Variants in HDAC4 observed in about 807,000 individuals in gnomAD.
HDAC4 encodes histone deacetylase 4.
HDAC4 carries 16 observed loss-of-function variants against 135.1 expected under a neutral mutation model. The ratio of observed to expected loss-of-function variants is 0.12; its 90% CI spans 0.08 to 0.18. HDAC4 has a LOEUF of 0.18. Ranked by LOEUF, HDAC4 falls within the 10% of genes least tolerant of loss-of-function variation. HDAC4 has a pLI of 1.00. For missense variants in HDAC4, 1,143 were observed against 1,511.8 expected, an observed-to-expected ratio of 0.76 and a Z score of 4.05; for synonymous variants, 685 against 653.4, an observed-to-expected ratio of 1.05 and a Z score of -0.74.
intron 2 of HDAC4, among the ~76,000 whole-genome samples, chr2:239,260,721 G>A (rs2049310619): frequency 1.3e-5 from 2 of 152,212 alleles, no homozygotes; most frequent in African/African-American, 2.4e-5. Flanking sequence ...TCCCCCTGCT[G>A]CAGTGTTCTC....
At chr2:239,343,554 A>T (rs1692431754) in intron 2 of HDAC4, among the ~76,000 whole-genome samples, 1 of 152,246 alleles carries the variant, frequency 6.6e-6, no homozygotes, top group South Asian at 2.1e-4. Flanking sequence ...CCTCCTCACA[A>T]GGCTGTTTCA....
At chr2:239,246,659 T>C (rs1195479222) in intron 2 of HDAC4, among the ~76,000 whole-genome samples, 1 of 152,242 alleles carries the variant, frequency 6.6e-6, no homozygotes, top group African/African-American at 2.4e-5. Context: ...GGGCCTCTCC[T>C]AGACGGTTCT....
At chr2:239,145,396 CAGCTCTGCCTGT>C (rs1559508223) in intron 7 of HDAC4, among the ~76,000 whole-genome samples, 32 of 106,566 alleles carry the variant, frequency 3.0e-4, no homozygotes, top group African/African-American at 1.9e-3. Flanking sequence ...TTTCTGTGAA[CAGCTCTGCCTGT>C]GTGGACAGAG....
chr2:239,134,817 C>T (rs140598172), intron 9 of HDAC4, among the ~76,000 whole-genome samples, 174 bp from the exon 10 acceptor site: 1 of 152,228 alleles, frequency 6.6e-6, no homozygotes, highest in Non-Finnish European at 1.5e-5. Context: ...CGTGCCACAA[C>T]ATGAAAGCAC....
chr2:239,254,774 C>G (rs1056218402), intron 2 of HDAC4, among the ~76,000 whole-genome samples: 1 of 152,088 alleles, frequency 6.6e-6, no homozygotes, highest in Non-Finnish European at 1.5e-5. Context: ...CATAACAGTC[C>G]TTAGATTTAA....
intron 3 of HDAC4, among the ~76,000 whole-genome samples, chr2:239,192,755 T>G (rs1386897272): frequency 1.3e-5 from 2 of 152,152 alleles, no homozygotes; most frequent in Non-Finnish European, 2.9e-5. Context: ...CTAGAGTGCC[T>G]CAGGTGAGCG....
chr2:239,257,917 A>G (rs546494590), intron 2 of HDAC4, among the ~76,000 whole-genome samples: 44 of 152,360 alleles, frequency 2.9e-4, no homozygotes, highest in Non-Finnish European at 4.7e-4. Context: ...AATTCTGAGA[A>G]AGAGACTTTG....
intron 9 of HDAC4, among the ~76,000 whole-genome samples, chr2:239,136,312 C>T (rs1426044857): frequency 6.6e-6 from 1 of 152,164 alleles, no homozygotes; most frequent in Non-Finnish European, 1.5e-5. Flanking sequence ...CTGTGCCTGG[C>T]TTAGTTCACT....
At chr2:239,338,234 C>T (rs1231146250) in intron 2 of HDAC4, among the ~76,000 whole-genome samples, 2 of 152,168 alleles carry the variant, frequency 1.3e-5, no homozygotes, top group Non-Finnish European at 1.5e-5. Context: ...GCACCTCTCT[C>T]GCGACTCAAA....
chr2:239,354,681 C>T (rs56064197), intron 1 of HDAC4, among the ~76,000 whole-genome samples: 34,266 of 146,872 alleles, frequency 0.23, 5,928 homozygotes, highest in East Asian at 0.8. Context: ...TGCTTTCCAA[C>T]TTTATGTTCA....
Position 239,141,486 on chromosome 2 carries a change from G to A in HDAC4, c.866-1690C>T, listed in dbSNP as rs551330319. On this transcript the variant is annotated intron_variant, in intron 8 of 26. Transcript: ENST00000543185. This position sits in a 1 kb window ranked among gnomAD's most constrained non-coding sequence, Gnocchi z 4.9. ...CTAACTCCAGAGGTAGGCTTCTCCC[G>A]CTGCCGAGGCCATGTTATTTGCACT... Among the ~76,000 whole-genome samples the A allele has an allele frequency of 6.6e-5, 10 of 152,074 alleles. No individual in the cohort carries two copies. The highest frequency in any genetic ancestry group is 1.3e-4 in the Non-Finnish European group (9 of 68,006).
intron 3 of HDAC4, among the ~76,000 whole-genome samples, chr2:239,220,902 T>TC (rs2046911483): frequency 6.6e-6 from 1 of 152,154 alleles, no homozygotes; most frequent in Admixed American, 6.5e-5. Flanking sequence ...CCGCCAGGTT[T>TC]CCCCCACTGG....
At chr2:239,255,519 T>G (rs2049003585) in intron 2 of HDAC4, among the ~76,000 whole-genome samples, 1 of 152,208 alleles carries the variant, frequency 6.6e-6, no homozygotes, top group South Asian at 2.1e-4. Context: ...GAGTCCTTTG[T>G]CTTTATTCTT....
intron 12 of HDAC4, among the ~76,000 whole-genome samples, chr2:239,122,151 T>C (rs1238930706): frequency 2.0e-5 from 3 of 152,156 alleles, no homozygotes; most frequent in Non-Finnish European, 4.4e-5. Flanking sequence ...CCACCCAAAA[T>C]ATGAGTCCAA....
rs111643400 is a variant in HDAC4, at chr2:239,356,021, A to G, written c.-219-3103T>C. Among the ~76,000 whole-genome samples, 846 of 152,350 alleles carry G rather than the reference A, an allele frequency of 5.6e-3. 8 individuals carry two copies. Among genetic ancestry groups the G allele is most frequent in the African/African-American group, 0.019 (802 of 41,578 alleles). On this transcript the variant is annotated intron_variant, in intron 1 of 26. Transcript: ENST00000543185. ...GAACCTCACGCTCTTGCAAAACTGT[A>G]TACTAAAAACACAAGGGCTTATCTT...
upstream of HDAC4, chr2:239,401,626 G>A (rs1697007252): frequency 4.0e-6 from 1 of 250,300 alleles, no homozygotes; most frequent in Non-Finnish European, 7.9e-6. Flanking sequence ...AGGCCTCGCC[G>A]CGGCGTCCAT....
chr2:239,248,247 C>T, intron 2 of HDAC4, among the ~76,000 whole-genome samples: 1 of 151,588 alleles, frequency 6.6e-6, no homozygotes, highest in East Asian at 1.9e-4. Flanking sequence ...GTGGCGTGAT[C>T]TCGGCTCACT....
intron 4 of HDAC4, among the ~76,000 whole-genome samples, chr2:239,180,389 T>G (rs11681339): frequency 0.09 from 13,664 of 152,070 alleles, 687 homozygotes; most frequent in East Asian, 0.21. Flanking sequence ...TGCTGAGGAC[T>G]CAGCCGGTTT....
At chr2:239,132,688 G>A (rs78019294) in intron 11 of HDAC4, among the ~76,000 whole-genome samples, 82 of 152,316 alleles carry the variant, frequency 5.4e-4, no homozygotes, top group African/African-American at 1.8e-3. Flanking sequence ...CGATATCCAG[G>A]TTCTATCAAA....
Sources: gnomAD v4.1 joint callset for allele counts (sites outside exome capture counted in the v4.1 genomes callset) on GRCh38, gnomAD v4.1.1 for gene constraint, Gnocchi (gnomAD v3.1) non-coding constraint, MANE v1.5 for transcripts, NCBI Gene and HGNC (gene_info 2026-07-23, HGNC 2026-07-21) for gene names.